Variants in WDFY4 observed in about 807,000 individuals in gnomAD.
WDFY4 encodes the protein WD repeat- and FYVE domain-containing protein 4.
A neutral mutation model predicts 351.9 loss-of-function variants in WDFY4; 169 were observed. The ratio of observed to expected loss-of-function variants is 0.48; its 90% CI spans 0.42 to 0.55. WDFY4 has a LOEUF of 0.55. Ranked by LOEUF, WDFY4 falls within the 20% of genes least tolerant of loss-of-function variation. The pLI, the probability that WDFY4 is intolerant of heterozygous loss-of-function variation, is 0.00. For synonymous variants in WDFY4, 1,622 were observed against 1,574.6 expected (o/e 1.03, Z -0.71); for missense variants, 3,803 against 3,935.6 (o/e 0.97, Z 0.90).
rs1258631122 is a variant in WDFY4, at chr10:48,694,508, T to C, written c.-18+9507T>C. Among the ~76,000 whole-genome samples the C allele has an allele frequency of 2.6e-5, 4 of 151,950 alleles. No homozygotes were observed. In the East Asian group the frequency reaches 5.8e-4, roughly 22 times the overall value. ...ATGTATTAGAGCATCCCTTTACCCG[T>C]CTCCTCTCCCAGGAGGCTGTGAGCT... On this transcript the variant is annotated intron_variant, in intron 1 of 61. Coordinates refer to ENST00000325239, the MANE Select transcript of WDFY4 (RefSeq NM_001394531.1).
rs7912986 is a variant in WDFY4 at position 48,738,061 on chromosome 10, G to A, written c.1878+1991G>A. 3.9e-3 allele frequency among the ~76,000 whole-genome samples: 590 copies of A among 152,288 alleles called. 7 individuals carry two copies. The highest frequency in any genetic ancestry group is 0.014 in the Middle Eastern group (4 of 294). On this transcript the variant is annotated intron_variant, in intron 11 of 61. Transcript: ENST00000325239. ...TCAGCGTGACTGGCATGTTCTGGCA[G>A]GATAGGAACAGGGAAGGCATGTCCT...
chr10:48,977,676 C>G (rs568032814), intron 59 of WDFY4, among the ~76,000 whole-genome samples: 5 of 152,334 alleles, frequency 3.3e-5, no homozygotes, highest in African/African-American at 9.6e-5. Context: ...CTGGGCCCCC[C>G]CAAAGCGTAA....
chr10:48,770,090 C>A (rs900501537), intron 13 of WDFY4, among the ~76,000 whole-genome samples: 1 of 152,142 alleles, frequency 6.6e-6, no homozygotes. Context: ...TTTACTGGAA[C>A]TAACGTTGAA....
At chr10:48,907,216 C>T (rs2663045) in intron 47 of WDFY4, among the ~76,000 whole-genome samples, 148,293 of 152,322 alleles carry the variant, frequency 0.97, 72,310 homozygotes, top group Middle Eastern at 1. Context: ...GCCCAGATTT[C>T]AGAAAACTCA....
intron 39 of WDFY4, among the ~76,000 whole-genome samples, chr10:48,838,166 G>A (rs918517791): frequency 2.2e-4 from 34 of 152,356 alleles, no homozygotes; most frequent in African/African-American, 7.7e-4. Context: ...GCTAAAAAAA[G>A]CAAAAGCTTT....
chr10:48,760,431 T>A lies in WDFY4; in HGVS notation c.2544T>A (p.Asp848Glu). Residue 848 changes from aspartate to glutamate, a missense_variant, in exon 13 of 62, where the codon GAT becomes GAA. Asp to Glu is a conservative substitution (Grantham distance 45, BLOSUM62 2). Coordinates refer to ENST00000325239, the MANE Select transcript of WDFY4 (RefSeq NM_001394531.1). ...TGCTGCCTCGGTTGTACCATGAAGA[T>A]CACCCACAGGTACCTGGTGTTGAAT... ...VRLLPRLYHE[D>E]HPQLSEEIQC... 6.4e-7 allele frequency: 1 copy of A among 1,551,670 alleles called. No individual in the cohort carries two copies. Among genetic ancestry groups the A allele is most frequent in the Non-Finnish European group, 8.7e-7 (1 of 1,146,970 alleles).
At chr10:48,894,442 T>C (rs571976605) in intron 44 of WDFY4, among the ~76,000 whole-genome samples, 2 of 152,366 alleles carry the variant, frequency 1.3e-5, no homozygotes, top group East Asian at 1.9e-4. Flanking sequence ...GTTTCACCTC[T>C]TGAGGACCAC....
chr10:48,770,922 T>A (rs536389710), intron 13 of WDFY4, among the ~76,000 whole-genome samples: 32 of 152,234 alleles, frequency 2.1e-4, no homozygotes, highest in Non-Finnish European at 4.0e-4. Flanking sequence ...TGGTCACATT[T>A]CAGAATGGCA....
At chr10:48,905,657 C>T (rs1055550100) in intron 47 of WDFY4, among the ~76,000 whole-genome samples, 1 of 152,206 alleles carries the variant, frequency 6.6e-6, no homozygotes, top group Non-Finnish European at 1.5e-5. Context: ...GAGGAATGCT[C>T]ATCTCAGTTC....
intron 47 of WDFY4, among the ~76,000 whole-genome samples, chr10:48,932,876 A>G (rs1338685776): frequency 6.6e-6 from 1 of 152,132 alleles, no homozygotes; most frequent in African/African-American, 2.4e-5. Context: ...ACATGGAAGG[A>G]TTTTGGAAAG....
At chr10:48,787,885 C>CT (rs1565198248) in intron 20 of WDFY4, among the ~76,000 whole-genome samples, 1,055 of 80,024 alleles carry the variant, frequency 0.013, 61 homozygotes, top group East Asian at 0.048. Context: ...TTTCTTTCTT[C>CT]TTCTTCTCCT....
Position 48,877,133 on chromosome 10 carries a change from A to G in WDFY4, c.7101A>G (p.Ser2367=). The G allele has an allele frequency of 6.4e-7, 1 of 1,551,538 alleles. No homozygotes were observed. The highest frequency in any genetic ancestry group is 8.7e-7 in the Non-Finnish European group (1 of 1,146,868). ...FFPALHESLH[S]EDFLELCRER... ...CAGCCTTACACGAAAGTCTGCACTC[A>G]GAAGACTTCTTGGAACTGTGTCGGG... is the stretch of plus-strand genomic sequence containing the variant. Residue 2367 remains serine, a synonymous_variant, in exon 43 of 62, where the codon TCA becomes TCG. Transcript: ENST00000325239.
chr10:48,901,692 G>A (rs868778159), intron 46 of WDFY4, 109 bp from the exon 47 acceptor site: 8 of 1,208,068 alleles, frequency 6.6e-6, no homozygotes, highest in Admixed American at 2.0e-5. Flanking sequence ...GATGGAGCGA[G>A]GGGGAGCAAT....
At chr10:48,900,153 C>G in intron 45 of WDFY4, 68 bp from the exon 46 acceptor site, 3 of 1,390,148 alleles carry the variant, frequency 2.2e-6, no homozygotes, top group East Asian at 5.0e-5. Context: ...TTTCCAGCAG[C>G]TGTGTCACCC....
rs144344845 is a variant in WDFY4, at chr10:48,779,957, G to A, written c.3414G>A (p.Glu1138=). Residue 1138 remains glutamate (E), a synonymous_variant, in exon 19 of 62, where the codon GAG becomes GAA. Coordinates refer to ENST00000325239, the MANE Select transcript of WDFY4 (RefSeq NM_001394531.1). The part of the protein sequence containing the change: ...EFQPLDVMEP[E]DDSEPSAGCQ... ...GTCTTCCAGATGTCATGGAACCTGA[G>A]GATGACTCCGAGCCTTCTGCAGGAT... 1.3e-6 allele frequency: 2 copies of A among 1,551,614 alleles called. No individual in the cohort carries two copies. Among genetic ancestry groups the A allele is most frequent in the Non-Finnish European group, 1.7e-6 (2 of 1,147,020 alleles).
chr10:48,808,978 GC>G (rs577736526), intron 28 of WDFY4, among the ~76,000 whole-genome samples: 101 of 152,066 alleles, frequency 6.6e-4, no homozygotes, highest in Non-Finnish European at 1.3e-3. Context: ...TACTTTTAAT[GC>G]CAAAAACTGC....
chr10:48,981,957 A>C (rs978954728), intron 61 of WDFY4, among the ~76,000 whole-genome samples: 1 of 152,190 alleles, frequency 6.6e-6, no homozygotes, highest in Non-Finnish European at 1.5e-5. Flanking sequence ...GGAGGTGGTT[A>C]CTGTCATTAA....
intron 27 of WDFY4, among the ~76,000 whole-genome samples, chr10:48,807,121 C>T (rs2067282837): frequency 6.6e-6 from 1 of 152,164 alleles, no homozygotes; most frequent in Admixed American, 6.5e-5. Context: ...AATATGACTC[C>T]ATTTCCCCAG....
At chr10:48,891,474 T>G (rs886917875) in intron 44 of WDFY4, among the ~76,000 whole-genome samples, 1 of 152,202 alleles carries the variant, frequency 6.6e-6, no homozygotes, top group African/African-American at 2.4e-5. Flanking sequence ...AGTTGTCAAG[T>G]GTATGTTTTC....
Sources: gnomAD v4.1 joint callset for allele counts (sites outside exome capture counted in the v4.1 genomes callset) on GRCh38, gnomAD v4.1.1 for gene constraint, MANE v1.5 for transcripts, NCBI Gene and HGNC (gene_info 2026-07-23, HGNC 2026-07-21) for gene names.